Variants in DPRX observed in about 807,000 individuals in gnomAD.
The protein encoded by DPRX is divergent-paired related homeobox.
A neutral mutation model predicts 8.4 loss-of-function variants in DPRX; 11 were observed. The observed-to-expected ratio is 1.31, with a 90% CI of 0.82 to 2.17. The LOEUF (loss-of-function observed/expected upper bound fraction) is 2.17. DPRX is among the 30% of genes most tolerant of loss of function. The probability of loss-of-function intolerance (pLI) is 0.00; values close to 1 mark genes in which losing one functional copy is unlikely to be tolerated. For synonymous variants in DPRX, 72 were observed against 87.0 expected (o/e 0.83, Z 0.96); for missense variants, 211 against 236.7 (o/e 0.89, Z 0.71).
chr19:53,621,946 A>C, the DPRX span, among the ~76,000 whole-genome samples: 1 of 151,934 alleles, frequency 6.6e-6, no homozygotes, highest in Non-Finnish European at 1.5e-5. Context: ...CATTACTGAT[A>C]CTCATCTGTT....
chr19:53,628,473 A>C (rs1313199995), upstream of DPRX, among the ~76,000 whole-genome samples: 1 of 152,156 alleles, frequency 6.6e-6, no homozygotes, highest in Non-Finnish European at 1.5e-5. Context: ...TTTTTCTCTA[A>C]CTGTGGTGAC....
chr19:53,633,014 C>T (rs951177548), intron 1 of DPRX, among the ~76,000 whole-genome samples: 2 of 151,904 alleles, frequency 1.3e-5, no homozygotes, highest in African/African-American at 4.8e-5. Flanking sequence ...TCTTTTAGAG[C>T]GAGGCATGCG....
the DPRX span, chr19:53,608,310 C>G: frequency 8.9e-6 from 1 of 111,862 alleles, no homozygotes; most frequent in Non-Finnish European, 1.8e-5. Context: ...CATTTGTAGT[C>G]GGCGTCTGTG....
chr19:53,617,899 G>T, the DPRX span, among the ~76,000 whole-genome samples: 1 of 151,936 alleles, frequency 6.6e-6, no homozygotes, highest in South Asian at 2.1e-4. Flanking sequence ...CAGCACTTTG[G>T]GAGGCCAAGG....
chr19:53,625,172 C>T, the DPRX span, among the ~76,000 whole-genome samples: 2 of 151,694 alleles, frequency 1.3e-5, no homozygotes, highest in Non-Finnish European at 2.9e-5. Flanking sequence ...CTGCCTTAGC[C>T]TCTGGAGTAC....
chr19:53,636,381 T>C, intron 2 of DPRX, among the ~76,000 whole-genome samples: 1 of 110,308 alleles, frequency 9.1e-6, no homozygotes, highest in South Asian at 2.6e-4. Flanking sequence ...TAAAATAAAA[T>C]AAAATAAAAA....
chr19:53,633,015 G>A (rs2091098890), intron 1 of DPRX, among the ~76,000 whole-genome samples: 1 of 152,106 alleles, frequency 6.6e-6, no homozygotes, highest in African/African-American at 2.4e-5. Flanking sequence ...CTTTTAGAGC[G>A]AGGCATGCGG....
At chr19:53,609,466 CAAAAAAAAAAAAAAAA>C in the DPRX span, among the ~76,000 whole-genome samples, 49 of 55,484 alleles carry the variant, frequency 8.8e-4, no homozygotes, top group South Asian at 0.045. Flanking sequence ...GACTCGGTCT[CAAAAAAAAAAAAAAAA>C]AAAAAAAAAA....
chr19:53,602,528 T>A, the DPRX span, among the ~76,000 whole-genome samples: 1 of 146,446 alleles, frequency 6.8e-6, no homozygotes, highest in Non-Finnish European at 1.5e-5. Flanking sequence ...CCCAGCTAAT[T>A]TTTTGTATTT....
At chr19:53,601,165 C>T in the DPRX span, 1 of 437,236 alleles carries the variant, frequency 2.3e-6, no homozygotes, top group African/African-American at 2.0e-5. Context: ...TACAGGCACA[C>T]CCCACACTGT....
At chr19:53,634,747 C>G in intron 2 of DPRX, 62 bp downstream of exon 2, 2 of 1,554,900 alleles carry the variant, frequency 1.3e-6, no homozygotes, top group South Asian at 2.5e-5. Flanking sequence ...ATTCAGAGTC[C>G]CTCTAGGATA....
At chr19:53,622,905 C>T in the DPRX span, among the ~76,000 whole-genome samples, 179 of 152,228 alleles carry the variant, frequency 1.2e-3, 5 homozygotes, top group South Asian at 0.036. Context: ...GGGTCACAGC[C>T]CCTTATATTG....
chr19:53,602,016 T>C, the DPRX span: 1 of 456,434 alleles, frequency 2.2e-6, no homozygotes, highest in Non-Finnish European at 4.4e-6. Flanking sequence ...AAGAGGAGTG[T>C]TGCTCTGGGG....
chr19:53,636,646 T>C, exon 3 of DPRX: 3 of 1,613,982 alleles, frequency 1.9e-6, no homozygotes, highest in East Asian at 2.2e-5. Context: ...AATGCAAGCA[T>C]ATTCATCAAA....
At chr19:53,629,515 T>A (rs544834622), upstream of DPRX, among the ~76,000 whole-genome samples, 4 of 150,386 alleles carry the variant, frequency 2.7e-5, no homozygotes, top group East Asian at 8.0e-4. Flanking sequence ...CTGCTGGGAT[T>A]ACAGGTGTGA....
At chr19:53,636,992 A>G (rs2091115829) in exon 3 of DPRX, 10 of 1,587,442 alleles carry the variant, frequency 6.3e-6, no homozygotes, top group East Asian at 4.5e-5. Context: ...GAGATGATAA[A>G]TACAAAAAGT....
exon 2 of DPRX, chr19:53,634,536 G>A (rs1348677501): frequency 1.2e-6 from 2 of 1,612,468 alleles, no homozygotes; most frequent in Non-Finnish European, 1.7e-6. Context: ...TCAAGGCAAG[G>A]ACCAGATGCA....
chr19:53,622,774 C>T, the DPRX span, among the ~76,000 whole-genome samples: 13 of 152,138 alleles, frequency 8.5e-5, no homozygotes, highest in African/African-American at 1.7e-4. Flanking sequence ...GAAGACATCA[C>T]GCCAGATAAG....
chr19:53,610,623 G>A, the DPRX span, among the ~76,000 whole-genome samples: 25,709 of 152,114 alleles, frequency 0.17, 2,271 homozygotes, highest in South Asian at 0.28. Context: ...AAGGGCTGAT[G>A]TGGAGTCCCA....
Sources: allele counts gnomAD v4.1 joint callset (sites outside exome capture counted in the v4.1 genomes callset), GRCh38; gene constraint gnomAD v4.1.1; transcripts MANE v1.5; gene names NCBI Gene and HGNC (gene_info 2026-07-23, HGNC 2026-07-21).